SYNDIG1L: variants seen among roughly 807,000 people sequenced by gnomAD.
SYNDIG1L encodes the protein synapse differentiation-inducing gene protein 1-like.
In SYNDIG1L, 13 loss-of-function variants were observed where a neutral mutation model predicts 20.1. The ratio of observed to expected loss-of-function variants is 0.65; its 90% CI spans 0.42 to 1.03. SYNDIG1L has a LOEUF of 1.03. Among genes scored for constraint, SYNDIG1L ranks in the 50% least tolerant of loss-of-function variants. The probability of loss-of-function intolerance (pLI) is 0.00; values close to 1 mark genes in which losing one functional copy is unlikely to be tolerated. For synonymous variants in SYNDIG1L, 128 were observed against 129.3 expected (o/e 0.99, Z 0.07); for missense variants, 294 against 305.1 (o/e 0.96, Z 0.27).
chr14:74,406,185 CT>C lies in SYNDIG1L; in HGVS notation c.*1349del, dbSNP rs1183420156. 1.3e-5 allele frequency: 5 copies of C among 398,252 alleles called. No homozygotes were observed. The highest frequency in any genetic ancestry group is 1.8e-5 in the Non-Finnish European group (4 of 226,238). The allele number at this position is 398,252 out of a possible 1,614,324, so 24.7% of individuals were successfully genotyped here. ...ATGTCTCTAAAATTCTGGATGTGCC[CT>C]AGTGGCTGAGGGTGTTGAGACTGGC... is the stretch of plus-strand genomic sequence containing the variant. On this transcript the variant is annotated 3_prime_UTR_variant, in exon 4 of 4. Coordinates refer to ENST00000331628, the MANE Select transcript of SYNDIG1L (RefSeq NM_001105579.2).
chr14:74,464,287 G>A, the SYNDIG1L span, among the ~76,000 whole-genome samples: 455 of 152,162 alleles, frequency 3.0e-3, 2 homozygotes, highest in Middle Eastern at 0.014. Flanking sequence ...TCCCTGATGC[G>A]CCCATGCTGG....
chr14:74,445,578 G>A, the SYNDIG1L span, among the ~76,000 whole-genome samples: 1 of 151,940 alleles, frequency 6.6e-6, no homozygotes, highest in Non-Finnish European at 1.5e-5. Context: ...GGGTTCAAGC[G>A]ATTCTCCTGC....
the SYNDIG1L span, among the ~76,000 whole-genome samples, chr14:74,464,536 G>C: frequency 6.6e-6 from 1 of 152,258 alleles, no homozygotes; most frequent in East Asian, 1.9e-4. Flanking sequence ...ATTGCTCTGG[G>C]AGACTGTACT....
chr14:74,436,854 A>AG, the SYNDIG1L span, among the ~76,000 whole-genome samples: 1 of 150,624 alleles, frequency 6.6e-6, no homozygotes, highest in Non-Finnish European at 1.5e-5. Flanking sequence ...CGTCTCAAAA[A>AG]AAAAAAAAAA....
chr14:74,409,048 T>TTTTATTTATTTATTTA (rs10642138), intron 2 of SYNDIG1L, among the ~76,000 whole-genome samples: 1 of 139,750 alleles, frequency 7.2e-6, no homozygotes, highest in African/African-American at 2.7e-5. Flanking sequence ...GGAACTTGCA[T>TTTTATTTATTTATTTA]TTTATTTATT....
chr14:74,422,603 G>A (rs1214083605), intron 1 of SYNDIG1L, among the ~76,000 whole-genome samples: 2 of 150,778 alleles, frequency 1.3e-5, no homozygotes, highest in Non-Finnish European at 2.9e-5. Flanking sequence ...TGTGTATCAC[G>A]CAGGGGAAGG....
At chr14:74,440,349 A>G in the SYNDIG1L span, among the ~76,000 whole-genome samples, 2 of 152,228 alleles carry the variant, frequency 1.3e-5, no homozygotes, top group Middle Eastern at 6.8e-3. Flanking sequence ...CCCCGTCTCT[A>G]CTAAAAATAC....
chr14:74,411,637 C>T (rs1387716299), intron 1 of SYNDIG1L, among the ~76,000 whole-genome samples: 1 of 152,132 alleles, frequency 6.6e-6, no homozygotes, highest in African/African-American at 2.4e-5. Flanking sequence ...GGTATTGGGA[C>T]AGAGCAAGGG....
At chr14:74,469,519 T>TAA in the SYNDIG1L span, among the ~76,000 whole-genome samples, 62 of 148,748 alleles carry the variant, frequency 4.2e-4, no homozygotes, top group Admixed American at 2.0e-3. Context: ...TAAAGTATAA[T>TAA]AAAAAAAAAA....
At chr14:74,466,605 C>G in the SYNDIG1L span, among the ~76,000 whole-genome samples, 1 of 152,194 alleles carries the variant, frequency 6.6e-6, no homozygotes, top group Admixed American at 6.5e-5. Flanking sequence ...CAGCCTCCCC[C>G]TTCATGAACA....
chr14:74,409,286 G>T, intron 2 of SYNDIG1L, 42 bp downstream of exon 2: 1 of 1,349,118 alleles, frequency 7.4e-7, no homozygotes, highest in Non-Finnish European at 9.8e-7. Flanking sequence ...GTCTCCTTGT[G>T]TTGCTCATGC....
the SYNDIG1L span, among the ~76,000 whole-genome samples, chr14:74,433,002 A>C: frequency 6.6e-6 from 1 of 152,238 alleles, no homozygotes; most frequent in Non-Finnish European, 1.5e-5. Context: ...TTTACTATAA[A>C]ATATGATTTG....
At chr14:74,452,524 T>C in the SYNDIG1L span, among the ~76,000 whole-genome samples, 87,727 of 152,082 alleles carry the variant, frequency 0.58, 26,383 homozygotes, top group African/African-American at 0.76. Flanking sequence ...CCTCCTTGCC[T>C]TCTGCCATGA....
At chr14:74,456,203 C>T in the SYNDIG1L span, among the ~76,000 whole-genome samples, 1 of 152,132 alleles carries the variant, frequency 6.6e-6, no homozygotes, top group Non-Finnish European at 1.5e-5. Context: ...TTGGTTTTCT[C>T]ACATATAAAG....
At chr14:74,410,504 C>T (rs1009591139) in intron 1 of SYNDIG1L, among the ~76,000 whole-genome samples, 1 of 152,120 alleles carries the variant, frequency 6.6e-6, no homozygotes, top group African/African-American at 2.4e-5. Flanking sequence ...CTGAAGCCTT[C>T]CCCATGCCTG....
At chr14:74,476,933 C>A in the SYNDIG1L span, among the ~76,000 whole-genome samples, 8 of 152,076 alleles carry the variant, frequency 5.3e-5, 1 homozygote, top group African/African-American at 1.7e-4. Context: ...CACAACCACC[C>A]AAAATGACTC....
the SYNDIG1L span, among the ~76,000 whole-genome samples, chr14:74,441,822 G>C: frequency 6.6e-6 from 1 of 152,024 alleles, no homozygotes; most frequent in African/African-American, 2.4e-5. Context: ...TGATTCTAGG[G>C]TTTTGTTCTG....
Position 74,406,004 on chromosome 14 carries a change from A to G in SYNDIG1L, c.*1531T>C, listed in dbSNP as rs138316078. On this transcript the variant is annotated 3_prime_UTR_variant, in exon 4 of 4. Coordinates refer to ENST00000331628, the MANE Select transcript of SYNDIG1L (RefSeq NM_001105579.2). ...TGGGCAGTGCCCGAGGCAGGGGAGG[A>G]CAGTGGGACAAGGGATGCTCAGTGG... 1,644 of 398,872 alleles carry G rather than the reference A, an allele frequency of 4.1e-3. 4 individuals are homozygous for G. Among genetic ancestry groups the G allele is most frequent in the Non-Finnish European group, 4.8e-3 (1,078 of 226,294 alleles). The allele number at this position is 398,872 out of a possible 1,614,324, so 24.7% of individuals were successfully genotyped here.
At chr14:74,423,314 G>A (rs1024323679) in intron 1 of SYNDIG1L, among the ~76,000 whole-genome samples, 11 of 152,224 alleles carry the variant, frequency 7.2e-5, no homozygotes, top group South Asian at 2.1e-4. Context: ...GAAGGCTAGT[G>A]TATTGTCCTC....
Sources: allele counts gnomAD v4.1 joint callset (sites outside exome capture counted in the v4.1 genomes callset), GRCh38; gene constraint gnomAD v4.1.1; transcripts MANE v1.5; gene names NCBI Gene and HGNC (gene_info 2026-07-23, HGNC 2026-07-21).